The following EEF1AKMT4 variants were observed in gnomAD, a reference collection of about 807,000 sequenced individuals.
The protein encoded by EEF1AKMT4 is EEF1A lysine methyltransferase 4.
In EEF1AKMT4, 17 loss-of-function variants were observed where a neutral mutation model predicts 23.0. The ratio of observed to expected loss-of-function variants is 0.74; its 90% confidence interval spans 0.51 to 1.11. The LOEUF (loss-of-function observed/expected upper bound fraction) is 1.11. Ranked by LOEUF, EEF1AKMT4 falls within the 50% of genes least tolerant of loss-of-function variation. EEF1AKMT4 has a pLI of 0.00. For missense variants in EEF1AKMT4, 318 were observed against 333.4 expected, an observed-to-expected ratio of 0.95 and a Z score of 0.36; for synonymous variants, 140 against 141.4, an observed-to-expected ratio of 0.99 and a Z score of 0.07.
chr3:184,250,393 T>G (rs1263201327), intron 1 of EEF1AKMT4, among the ~76,000 whole-genome samples: 2 of 152,232 alleles, frequency 1.3e-5, no homozygotes, highest in Admixed American at 6.5e-5. Flanking sequence ...GAGAGAGTCC[T>G]GTCTGAAACT....
chr3:184,251,547 T>G (rs1719555505), intron 1 of EEF1AKMT4, among the ~76,000 whole-genome samples: 1 of 149,510 alleles, frequency 6.7e-6, no homozygotes, highest in Admixed American at 6.7e-5. Flanking sequence ...AAAAAAAAAA[T>G]TAAAACTTAG....
chr3:184,250,184 G>T (rs1488237330), intron 1 of EEF1AKMT4, among the ~76,000 whole-genome samples: 2 of 152,258 alleles, frequency 1.3e-5, no homozygotes, highest in Non-Finnish European at 2.9e-5. Flanking sequence ...GGACCGGATT[G>T]CTCAGAGGAC....
intron 2 of EEF1AKMT4, 25 bp from the exon 3 acceptor site, chr3:184,258,263 A>C: frequency 6.3e-7 from 1 of 1,589,572 alleles, no homozygotes. Flanking sequence ...ACTTCTCACC[A>C]ATGGCTTCTC....
At chr3:184,256,482 C>A (rs1299295197) in intron 1 of EEF1AKMT4, among the ~76,000 whole-genome samples, 2 of 151,854 alleles carry the variant, frequency 1.3e-5, no homozygotes, top group African/African-American at 4.8e-5. Context: ...TAATTTATAT[C>A]ATTATTATGC....
Position 184,249,710 on chromosome 3 carries a change from G to A in EEF1AKMT4, c.16G>A (p.Ala6Thr). The change falls in exon 1 of 3, where the codon GCA (alanine) becomes ACA (threonine). Residue 6 changes from alanine to threonine, a missense_variant. Transcript: ENST00000324557. ...GGTTGAGAGCATGGCCTCTCCAGGG[G>A]CAGGTAGGGCGCCTCCGGAGTTACC... MASPGAGRAPPELPER... is the reference protein window; with the variant it reads MASPGTGRAPPELPER... 6.2e-7 allele frequency: 1 copy of A among 1,608,584 alleles called. No individual in the cohort carries two copies. Among genetic ancestry groups the A allele is most frequent in the African/African-American group, 1.3e-5 (1 of 75,002 alleles).
chr3:184,257,770 AAG>A lies in EEF1AKMT4; in HGVS notation c.480+19_480+20del. On this transcript the variant is annotated intron_variant, in intron 2 of 2. Transcript: ENST00000324557. ...GTGTTGAGTGAGGTGAGGGAGCAACAAGAGAGGAAAGCAGATCAATAGGTGGG... is the reference window on the plus strand; with the variant it reads ...GTGTTGAGTGAGGTGAGGGAGCAACAAGAGGAAAGCAGATCAATAGGTGGG... 1 of 1,601,900 alleles carries A rather than the reference AAG, an allele frequency of 6.2e-7. No individual in the cohort carries two copies. Among genetic ancestry groups the A allele is most frequent in the Non-Finnish European group, 8.5e-7 (1 of 1,172,272 alleles).
At chr3:184,252,830 C>T (rs1327271760) in intron 1 of EEF1AKMT4, among the ~76,000 whole-genome samples, 1 of 151,470 alleles carries the variant, frequency 6.6e-6, no homozygotes, top group Admixed American at 6.6e-5. Flanking sequence ...GTAATCCCAG[C>T]TACTCCAGAG....
chr3:184,258,693 T>C lies in EEF1AKMT4; in HGVS notation c.*118T>C. ...AGGTGCTTACATCCCAGGGGCCTCA[T>C]GCCTAAGATAGAGGGTGGGAGCGAA... On this transcript the variant is annotated 3_prime_UTR_variant, in exon 3 of 3. Coordinates refer to ENST00000324557, the MANE Select transcript of EEF1AKMT4 (RefSeq NM_032331.4). 6.8e-7 allele frequency: 1 copy of C among 1,473,332 alleles called. No individual in the cohort carries two copies. The highest frequency in any genetic ancestry group is 8.9e-7 in the Non-Finnish European group (1 of 1,117,356). The allele number at this position is 1,473,332 out of a possible 1,614,324, so 91.3% of individuals were successfully genotyped here.
intron 1 of EEF1AKMT4, among the ~76,000 whole-genome samples, chr3:184,251,518 G>A (rs889419913): frequency 1.3e-5 from 2 of 151,648 alleles, no homozygotes; most frequent in Non-Finnish European, 2.9e-5. Context: ...GGGTGACAGA[G>A]TAAGACCCTG....
intron 1 of EEF1AKMT4, among the ~76,000 whole-genome samples, chr3:184,252,665 G>A (rs1183513525): frequency 2.0e-5 from 3 of 152,118 alleles, no homozygotes; most frequent in Non-Finnish European, 2.9e-5. Context: ...AATGATGGCC[G>A]GGCAGGGTGG....
chr3:184,252,471 A>C (rs1719602586), intron 1 of EEF1AKMT4, among the ~76,000 whole-genome samples: 1 of 152,170 alleles, frequency 6.6e-6, no homozygotes, highest in Non-Finnish European at 1.5e-5. Context: ...CTTAATCCTT[A>C]TGACAACCCC....
At chr3:184,253,483 T>C (rs1011593212) in intron 1 of EEF1AKMT4, among the ~76,000 whole-genome samples, 2 of 152,176 alleles carry the variant, frequency 1.3e-5, no homozygotes, top group Admixed American at 6.5e-5. Flanking sequence ...ATGTCACGAC[T>C]GAAGGTGAGT....
chr3:184,258,681 C>T lies in EEF1AKMT4; in HGVS notation c.*106C>T. On this transcript the variant is annotated 3_prime_UTR_variant, in exon 3 of 3. Transcript: ENST00000324557. ...GGGTTGGGTCCAAGGTGCTTACATC[C>T]CAGGGGCCTCATGCCTAAGATAGAG... 2 of 1,486,498 alleles carry T rather than the reference C, an allele frequency of 1.3e-6. No homozygotes were observed. Among genetic ancestry groups the T allele is most frequent in the Non-Finnish European group, 1.8e-6 (2 of 1,123,174 alleles). 92.1% of individuals were successfully genotyped at this position (1,486,498 alleles called of 1,614,324 possible). A position where few individuals can be genotyped will look rare whatever the true frequency, so the allele number is the denominator to read the frequency against.
At chr3:184,250,021 G>C in intron 1 of EEF1AKMT4, 131 bp downstream of exon 1, 1 of 1,014,970 alleles carries the variant, frequency 9.9e-7, no homozygotes, top group Non-Finnish European at 1.4e-6. Flanking sequence ...GCGAGATCCA[G>C]CTCCTTCAGA....
In EEF1AKMT4 at chr3:184,258,454, A is replaced by G; in HGVS notation, c.647A>G (p.Lys216Arg). ...FHLYLMHKGG[K>R]LSVAQLALGA... ...CTCTACCTCATGCACAAGGGCGGGA[A>G]GCTCAGTGTGGCCCAGCTGGCTCTG... The change falls in exon 3 of 3, where the codon AAG becomes AGG. Residue 216 changes from lysine to arginine, a missense_variant. Physicochemically the swap from Lys to Arg is conservative, Grantham distance 26. Transcript: ENST00000324557. 2.5e-6 allele frequency: 4 copies of G among 1,613,834 alleles called. No individual in the cohort carries two copies. The highest frequency in any genetic ancestry group is 3.4e-6 in the Non-Finnish European group (4 of 1,179,878).
In EEF1AKMT4 at chr3:184,258,315, C is replaced by G. The variant is rs11546878; in HGVS notation, c.508C>G (p.Arg170Gly). ...GAGCCGCGTGCTTGTCCCTGGAGGCCGGTTTATCTCAATGACTTCTGCTGC... is the reference window on the plus strand; with the variant it reads ...GAGCCGCGTGCTTGTCCCTGGAGGCGGGTTTATCTCAATGACTTCTGCTGC... ...EVSRVLVPGG[R>G]FISMTSAAPH... The change falls in exon 3 of 3, where the codon CGG becomes GGG. Residue 170 changes from arginine (R) to glycine (G), a missense_variant. Coordinates refer to ENST00000324557, the MANE Select transcript of EEF1AKMT4 (RefSeq NM_032331.4). 2.5e-6 allele frequency: 4 copies of G among 1,612,568 alleles called. No homozygotes were observed. The African/African-American group carries it at 4.0e-5, about 16-fold the overall frequency.
intron 1 of EEF1AKMT4, among the ~76,000 whole-genome samples, chr3:184,251,085 CAAAA>C (rs57069077): frequency 1.1e-4 from 8 of 70,896 alleles, no homozygotes; most frequent in Admixed American, 4.8e-4. Flanking sequence ...AACTCTGTCT[CAAAA>C]AAAAAAAAAA....
intron 1 of EEF1AKMT4, among the ~76,000 whole-genome samples, chr3:184,255,450 G>T (rs1438496140): frequency 1.3e-5 from 2 of 152,144 alleles, no homozygotes; most frequent in Non-Finnish European, 2.9e-5. Context: ...GATAGATTAG[G>T]GCTATCCCAA....
In EEF1AKMT4 at chr3:184,258,459, A is replaced by T; in HGVS notation, c.652A>T (p.Ser218Cys). ...LYLMHKGGKL[S>C]VAQLALGAQI... ...CCTCATGCACAAGGGCGGGAAGCTC[A>T]GTGTGGCCCAGCTGGCTCTGGGGGC... Residue 218 changes from serine (S) to cysteine (C), a missense_variant, in exon 3 of 3, where the codon AGT becomes TGT. Transcript: ENST00000324557. 1 of 1,613,840 alleles carries T rather than the reference A, an allele frequency of 6.2e-7. No individual in the cohort carries two copies. The highest frequency in any genetic ancestry group is 8.5e-7 in the Non-Finnish European group (1 of 1,179,892).
Sources: gnomAD v4.1 joint callset for allele counts (sites outside exome capture counted in the v4.1 genomes callset) on GRCh38, gnomAD v4.1.1 for gene constraint, MANE v1.5 for transcripts, NCBI Gene and HGNC (gene_info 2026-07-23, HGNC 2026-07-21) for gene names.